The following FAT3 variants were observed in gnomAD, a reference collection of about 807,000 sequenced individuals.
The protein encoded by FAT3 is FAT atypical cadherin 3.
In FAT3, 95 loss-of-function variants were observed where a neutral mutation model predicts 310.2. The observed-to-expected ratio is 0.31, with a 90% CI of 0.26 to 0.36. The LOEUF is 0.36. Among genes scored for constraint, FAT3 ranks in the 10% least tolerant of loss-of-function variants. The pLI is 1.00. For synonymous variants in FAT3, 2,314 were observed against 2,192.9 expected, an observed-to-expected ratio of 1.06 and a Z score of -1.54; for missense variants, 5,408 against 5,715.6, an observed-to-expected ratio of 0.95 and a Z score of 1.74.
chr11:92,889,417 C>T (rs1949866185), intron 26 of FAT3, among the ~76,000 whole-genome samples, 169 bp downstream of exon 26: 2 of 149,968 alleles, frequency 1.3e-5, no homozygotes, highest in Admixed American at 1.3e-4. Flanking sequence ...AAAAAAAAAC[C>T]CAGTTCATAA....
At chr11:92,732,586 G>T (rs1014439193) in intron 4 of FAT3, among the ~76,000 whole-genome samples, 2 of 152,110 alleles carry the variant, frequency 1.3e-5, no homozygotes, top group Non-Finnish European at 2.9e-5. Flanking sequence ...AGATCAGATG[G>T]GTTTGCCATG....
chr11:92,340,111 C>CAAAAAAA (rs56378818), intron 1 of FAT3, among the ~76,000 whole-genome samples: 1 of 49,154 alleles, frequency 2.0e-5, no homozygotes, highest in Non-Finnish European at 3.9e-5. Flanking sequence ...GACTCCATCT[C>CAAAAAAA]AAAAAAAAAA....
intron 1 of FAT3, among the ~76,000 whole-genome samples, chr11:92,282,783 A>G (rs890343198): frequency 2.0e-5 from 3 of 152,162 alleles, no homozygotes; most frequent in African/African-American, 7.2e-5. Context: ...GTACTTGACA[A>G]TGCCTAATAG....
At chr11:92,670,982 C>A (rs1943110957) in intron 3 of FAT3, among the ~76,000 whole-genome samples, 2 of 152,048 alleles carry the variant, frequency 1.3e-5, no homozygotes, top group East Asian at 3.9e-4. Flanking sequence ...ACATTCAAAG[C>A]CCCTGCATGC....
In FAT3 at chr11:92,354,752, T is replaced by G. The variant is rs753962506; in HGVS notation, c.2640T>G (p.Asn880Lys). ...CAGATACACAGCAGTTTGCCATCAA[T>G]AGCTCAACTGGAATCGTTTATGTAG... Reference protein sequence around the residue: ...VLTDTQQFAINSSTGIVYVAD... With the variant: ...VLTDTQQFAIKSSTGIVYVAD... The change falls in exon 2 of 28, where the codon AAT becomes AAG. Residue 880 changes from asparagine (N) to lysine (K), a missense_variant. Coordinates refer to ENST00000525166, the MANE Select transcript of FAT3 (RefSeq NM_001367949.2). The G allele has an allele frequency of 1.2e-6, 2 of 1,613,924 alleles. No individual in the cohort carries two copies. The highest frequency in any genetic ancestry group is 1.7e-6 in the Non-Finnish European group (2 of 1,179,868).
In FAT3 at chr11:92,824,356, C is replaced by CA. The variant is rs199825627; in HGVS notation, c.9482-7258dup. On this transcript the variant is annotated intron_variant, in intron 13 of 27. Coordinates refer to ENST00000525166, the MANE Select transcript of FAT3 (RefSeq NM_001367949.2). ...TGGGTGACAGAGTGAGACTCTGTCTCAAAAAAAAGAAAGAAAGAAAGAAAA... is the reference window on the plus strand; with the variant it reads ...TGGGTGACAGAGTGAGACTCTGTCTCAAAAAAAAAGAAAGAAAGAAAGAAAA... Among the ~76,000 whole-genome samples the CA allele has an allele frequency of 8.3e-3, 1,248 of 149,638 alleles. 29 individuals carry two copies. Among genetic ancestry groups the CA allele is most frequent in the African/African-American group, 0.029 (1,185 of 40,720 alleles).
chr11:92,533,223 T>C (rs1193959618), intron 3 of FAT3, among the ~76,000 whole-genome samples: 1 of 152,126 alleles, frequency 6.6e-6, no homozygotes, highest in Non-Finnish European at 1.5e-5. Flanking sequence ...AAATGGGGTC[T>C]CACTCTGTTG....
chr11:92,465,719 G>C (rs1157617777), intron 2 of FAT3, among the ~76,000 whole-genome samples: 3 of 152,248 alleles, frequency 2.0e-5, no homozygotes, highest in Non-Finnish European at 2.9e-5. Context: ...GTCATGGGGT[G>C]GGGGGCAGGC....
intron 1 of FAT3, among the ~76,000 whole-genome samples, chr11:92,316,378 A>T (rs1028231023): frequency 6.6e-6 from 1 of 152,198 alleles, no homozygotes; most frequent in Non-Finnish European, 1.5e-5. Flanking sequence ...TGTTGAAGAA[A>T]TATATACAAA....
chr11:92,426,085 G>A lies in FAT3; in HGVS notation c.3292+70681G>A, dbSNP rs758012324. ...TTTAATGATCGCCATTCTAACTAGC[G>A]TGAGATGGAATCTCATTGTGGTTTT... On this transcript the variant is annotated intron_variant, in intron 2 of 27. Transcript: ENST00000525166. Among the ~76,000 whole-genome samples, 7 of 152,106 alleles carry A rather than the reference G, an allele frequency of 4.6e-5. No homozygotes were observed. The East Asian group carries it at 5.8e-4, about 13-fold the overall frequency.
chr11:92,341,139 A>G (rs1482623522), intron 1 of FAT3, among the ~76,000 whole-genome samples: 1 of 152,172 alleles, frequency 6.6e-6, no homozygotes, highest in African/African-American at 2.4e-5. Context: ...TGCTGAAATA[A>G]CTAGCTGGAG....
chr11:92,574,615 C>T (rs183978885), intron 3 of FAT3, among the ~76,000 whole-genome samples: 1 of 152,262 alleles, frequency 6.6e-6, no homozygotes, highest in Admixed American at 6.5e-5. Flanking sequence ...TCTTCTGATA[C>T]AACCTGTCAA....
chr11:92,552,800 G>C (rs1043993118), intron 3 of FAT3, among the ~76,000 whole-genome samples: 1 of 151,406 alleles, frequency 6.6e-6, no homozygotes, highest in Non-Finnish European at 1.5e-5. Flanking sequence ...AAAAAGAATT[G>C]TTAGCCAGGC....
intron 4 of FAT3, among the ~76,000 whole-genome samples, chr11:92,706,434 A>C (rs1347682752): frequency 6.6e-6 from 1 of 152,108 alleles, no homozygotes. Context: ...ACGGGGAGGA[A>C]CAGTGGATTC....
intron 1 of FAT3, among the ~76,000 whole-genome samples, chr11:92,235,998 G>A (rs1374236574): frequency 6.6e-6 from 1 of 152,220 alleles, no homozygotes; most frequent in Non-Finnish European, 1.5e-5. Context: ...GCATATCTCA[G>A]TGCTGAGTTC....
intron 4 of FAT3, among the ~76,000 whole-genome samples, chr11:92,737,254 G>GT (rs1945376596): frequency 6.6e-6 from 1 of 152,150 alleles, no homozygotes; most frequent in African/African-American, 2.4e-5. Flanking sequence ...GTGTGACGGA[G>GT]GATATACCAG....
chr11:92,352,883 G>A lies in FAT3; in HGVS notation c.771G>A (p.Glu257=). The A allele has an allele frequency of 6.2e-7, 1 of 1,613,884 alleles. No homozygotes were observed. Among genetic ancestry groups the A allele is most frequent in the South Asian group, 1.1e-5 (1 of 91,076 alleles). The change falls in exon 2 of 28, where the codon GAG becomes GAA. Residue 257 remains glutamate, a synonymous_variant. Transcript: ENST00000525166. ...CTGCAAAGCTTTATGTTCACATTGA[G>A]CGCATAAATGAACATGCCCCAACAA... ...SSTAKLYVHI[E]RINEHAPTIH... is the part of the protein sequence containing the mutation.
intron 1 of FAT3, among the ~76,000 whole-genome samples, chr11:92,245,115 A>G (rs1024305619): frequency 5.3e-5 from 8 of 152,290 alleles, no homozygotes; most frequent in African/African-American, 1.9e-4. Context: ...GATAGACTGT[A>G]TAAAGAAAAT....
At chr11:92,381,209 C>A (rs191712783) in intron 2 of FAT3, among the ~76,000 whole-genome samples, 5 of 152,240 alleles carry the variant, frequency 3.3e-5, no homozygotes, top group African/African-American at 1.2e-4. Context: ...CTTTTATATT[C>A]TTATATATCT....
Sources: allele counts gnomAD v4.1 joint callset (sites outside exome capture counted in the v4.1 genomes callset), GRCh38; gene constraint gnomAD v4.1.1; transcripts MANE v1.5; gene names NCBI Gene and HGNC (gene_info 2026-07-23, HGNC 2026-07-21).